Variants in ABTB3 observed in about 807,000 individuals in gnomAD.
ABTB3 encodes the protein ankyrin repeat and BTB domain containing 3, also known as ankyrin repeat- and BTB/POZ domain-containing protein 3.
At chr12:107,613,732 G>A in the ABTB3 span, among the ~76,000 whole-genome samples, 2 of 152,146 alleles carry the variant, frequency 1.3e-5, no homozygotes, top group African/African-American at 2.4e-5. Flanking sequence ...CTGAAGACCT[G>A]CTCTCCCTGG....
the ABTB3 span, among the ~76,000 whole-genome samples, chr12:107,411,789 C>T: frequency 6.6e-6 from 1 of 152,114 alleles, no homozygotes; most frequent in African/African-American, 2.4e-5. Flanking sequence ...TTGAGCTCTC[C>T]GTCTATACCC....
At chr12:107,320,153 CCCGCGTCTTCCCAG>C in the ABTB3 span, 5 of 1,348,536 alleles carry the variant, frequency 3.7e-6, no homozygotes, top group Non-Finnish European at 4.8e-6. Flanking sequence ...GCGTCCCCCT[CCCGCGTCTTCCCAG>C]CCACGCGCTG....
At chr12:107,618,462 C>T in the ABTB3 span, 1 of 1,175,136 alleles carries the variant, frequency 8.5e-7, no homozygotes, top group Non-Finnish European at 1.2e-6. Context: ...CATGCGCGCA[C>T]ACATACACAT....
chr12:107,520,971 G>C, the ABTB3 span, among the ~76,000 whole-genome samples: 1 of 152,136 alleles, frequency 6.6e-6, no homozygotes, highest in East Asian at 1.9e-4. Flanking sequence ...CATCCATAAA[G>C]GTGTCTACCT....
the ABTB3 span, among the ~76,000 whole-genome samples, chr12:107,369,308 G>A: frequency 1.3e-5 from 2 of 151,768 alleles, no homozygotes; most frequent in East Asian, 3.9e-4. Context: ...CATTTAGTGA[G>A]CCAGTTTTCT....
At chr12:107,646,695 G>T in the ABTB3 span, among the ~76,000 whole-genome samples, 427 of 152,284 alleles carry the variant, frequency 2.8e-3, no homozygotes, top group African/African-American at 9.6e-3. Flanking sequence ...GTGTTTATGG[G>T]TAGGGTGTAC....
the ABTB3 span, among the ~76,000 whole-genome samples, chr12:107,465,829 C>T: frequency 6.6e-6 from 1 of 152,142 alleles, no homozygotes; most frequent in African/African-American, 2.4e-5. Flanking sequence ...CACACACAGT[C>T]GCGTGCTCTC....
the ABTB3 span, chr12:107,581,360 C>A: frequency 8.0e-7 from 1 of 1,253,720 alleles, no homozygotes; most frequent in Non-Finnish European, 1.0e-6. Flanking sequence ...GGCCTCGCAG[C>A]CTCCACCCCT....
At chr12:107,318,796 G>C in the ABTB3 span, 66 of 922,576 alleles carry the variant, frequency 7.2e-5, no homozygotes, top group Non-Finnish European at 8.0e-6. Context: ...GCAGCCGAAA[G>C]TACTAACAGT....
the ABTB3 span, among the ~76,000 whole-genome samples, chr12:107,552,973 A>G: frequency 1.3e-5 from 2 of 152,242 alleles, no homozygotes; most frequent in African/African-American, 4.8e-5. Flanking sequence ...TCCAGCCCAG[A>G]GAGCCATGTT....
chr12:107,538,225 G>C, the ABTB3 span, among the ~76,000 whole-genome samples: 1 of 152,244 alleles, frequency 6.6e-6, no homozygotes, highest in Non-Finnish European at 1.5e-5. Flanking sequence ...AGCGTGGTGT[G>C]GGGGAGAGCC....
At chr12:107,607,601 T>G in the ABTB3 span, among the ~76,000 whole-genome samples, 5 of 152,182 alleles carry the variant, frequency 3.3e-5, no homozygotes, top group African/African-American at 1.2e-4. Context: ...GCCTGACGTT[T>G]AGGTCCTGAG....
the ABTB3 span, chr12:107,319,686 A>G: frequency 2.0e-6 from 3 of 1,534,272 alleles, no homozygotes; most frequent in Non-Finnish European, 1.7e-6. Context: ...CGGGACATCT[A>G]CTCGCGGGTC....
At chr12:107,573,263 A>C in the ABTB3 span, among the ~76,000 whole-genome samples, 45,172 of 152,076 alleles carry the variant, frequency 0.3, 7,631 homozygotes, top group African/African-American at 0.46. Flanking sequence ...GTGAGGGAGG[A>C]AGAATCAGCA....
At chr12:107,532,958 T>G in the ABTB3 span, among the ~76,000 whole-genome samples, 5 of 152,134 alleles carry the variant, frequency 3.3e-5, no homozygotes, top group African/African-American at 1.2e-4. Context: ...GGAGAAATAG[T>G]CTTCCCAGGA....
chr12:107,531,536 T>C, the ABTB3 span, among the ~76,000 whole-genome samples: 13,810 of 152,164 alleles, frequency 0.091, 715 homozygotes, highest in Non-Finnish European at 0.12. Context: ...CTTTGGCCAA[T>C]CATCCAGCAA....
the ABTB3 span, among the ~76,000 whole-genome samples, chr12:107,367,167 G>C: frequency 6.0e-4 from 92 of 152,294 alleles, no homozygotes; most frequent in Non-Finnish European, 9.6e-4. Flanking sequence ...TCACAGTGAG[G>C]TGGAAGATTG....
chr12:107,514,206 G>C, the ABTB3 span, among the ~76,000 whole-genome samples: 4 of 152,196 alleles, frequency 2.6e-5, no homozygotes, highest in Non-Finnish European at 5.9e-5. Flanking sequence ...CCGGTATCTT[G>C]TCCCTCTTGC....
At chr12:107,467,178 G>A in the ABTB3 span, among the ~76,000 whole-genome samples, 2 of 152,192 alleles carry the variant, frequency 1.3e-5, no homozygotes, top group African/African-American at 2.4e-5. Context: ...CCCTTGGTGT[G>A]AGAGTGTGGT....
Sources: gnomAD v4.1 joint callset for allele counts (sites outside exome capture counted in the v4.1 genomes callset) on GRCh38, gnomAD v4.1.1 for gene constraint, MANE v1.5 for transcripts, NCBI Gene and HGNC (gene_info 2026-07-23, HGNC 2026-07-21) for gene names.